The following GPC6 variants were observed in gnomAD, a reference collection of about 807,000 sequenced individuals.
The protein encoded by GPC6 is glypican-6.
GPC6 carries 14 observed loss-of-function variants against 55.2 expected under a neutral mutation model. The observed-to-expected ratio is 0.25, with a 90% CI of 0.17 to 0.40. The LOEUF (loss-of-function observed/expected upper bound fraction) is 0.40, where lower values mean the gene tolerates loss of function less well. Ranked by LOEUF, GPC6 falls within the 10% of genes least tolerant of loss-of-function variation. The pLI, the probability that GPC6 is intolerant of heterozygous loss-of-function variation, is 1.00. For missense variants in GPC6, 641 were observed against 708.5 expected (o/e 0.90, Z 1.08); for synonymous variants, 278 against 259.6 (o/e 1.07, Z -0.68).
chr13:94,213,946 T>C (rs1349966661), intron 4 of GPC6, among the ~76,000 whole-genome samples: 1 of 152,238 alleles, frequency 6.6e-6, no homozygotes, highest in East Asian at 1.9e-4. Flanking sequence ...TTAAGAGTTA[T>C]ATGGCAATAT....
chr13:93,286,994 T>A (rs1171959738), intron 1 of GPC6, among the ~76,000 whole-genome samples: 2 of 152,122 alleles, frequency 1.3e-5, no homozygotes, highest in African/African-American at 2.4e-5. Flanking sequence ...ACACAAACGT[T>A]GTTTCATGCA....
chr13:93,616,868 A>G (rs1219728031), intron 2 of GPC6, among the ~76,000 whole-genome samples: 1 of 152,128 alleles, frequency 6.6e-6, no homozygotes, highest in Non-Finnish European at 1.5e-5. Context: ...AACTTTACTA[A>G]AATGCCTATG....
At chr13:93,636,182 T>C (rs1017200974) in intron 2 of GPC6, among the ~76,000 whole-genome samples, 6 of 152,174 alleles carry the variant, frequency 3.9e-5, no homozygotes, top group Non-Finnish European at 8.8e-5. Flanking sequence ...TTATAAGTTA[T>C]AACAACAAGC....
intron 4 of GPC6, among the ~76,000 whole-genome samples, chr13:94,066,928 G>A (rs1442092628): frequency 6.6e-6 from 1 of 152,184 alleles, no homozygotes; most frequent in Non-Finnish European, 1.5e-5. Context: ...AACCTTGCAT[G>A]GAATACAACT....
intron 2 of GPC6, among the ~76,000 whole-genome samples, chr13:93,714,030 G>T (rs1244196422): frequency 6.6e-6 from 1 of 151,842 alleles, no homozygotes; most frequent in South Asian, 2.1e-4. Context: ...CCTTGAGAAA[G>T]AATTTATGAC....
intron 2 of GPC6, among the ~76,000 whole-genome samples, chr13:93,589,849 G>C (rs1370851666): frequency 6.6e-6 from 1 of 152,188 alleles, no homozygotes; most frequent in Non-Finnish European, 1.5e-5. Context: ...ATGACATCAT[G>C]TGGAGTAAGT....
intron 2 of GPC6, among the ~76,000 whole-genome samples, chr13:93,754,974 A>G (rs1413684547): frequency 2.6e-5 from 4 of 152,202 alleles, no homozygotes; most frequent in Non-Finnish European, 5.9e-5. Context: ...CTGGATAAAT[A>G]TTATTTTACA....
chr13:93,681,720 G>A (rs1045009624), intron 2 of GPC6, among the ~76,000 whole-genome samples: 12 of 152,068 alleles, frequency 7.9e-5, no homozygotes, highest in African/African-American at 2.2e-4. Flanking sequence ...TTTATAATGC[G>A]AGAAATGTTC....
chr13:94,167,838 G>A (rs1888418154), intron 4 of GPC6, among the ~76,000 whole-genome samples: 1 of 152,174 alleles, frequency 6.6e-6, no homozygotes, highest in East Asian at 1.9e-4. Flanking sequence ...TATATCTTAA[G>A]TCTTATAAAC....
At chr13:94,021,176 C>CAGA (rs1377109581) in intron 3 of GPC6, among the ~76,000 whole-genome samples, 2 of 151,544 alleles carry the variant, frequency 1.3e-5, no homozygotes, top group Non-Finnish European at 2.9e-5. Context: ...CTTTTGAGAG[C>CAGA]AGAAGATAGA....
At chr13:93,297,116 G>T (rs773540731) in intron 1 of GPC6, among the ~76,000 whole-genome samples, 13 of 152,160 alleles carry the variant, frequency 8.5e-5, no homozygotes, top group Non-Finnish European at 1.6e-4. Flanking sequence ...TCCCTTGTAT[G>T]TGCATCCTTA....
intron 1 of GPC6, among the ~76,000 whole-genome samples, chr13:93,504,217 C>A (rs1456312133): frequency 2.0e-5 from 3 of 152,014 alleles, no homozygotes; most frequent in Non-Finnish European, 4.4e-5. Context: ...GTGTTAAAAA[C>A]AAAGACAGAT....
intron 6 of GPC6, among the ~76,000 whole-genome samples, chr13:94,348,962 A>G (rs1340103160): frequency 6.6e-6 from 1 of 152,158 alleles, no homozygotes; most frequent in Non-Finnish European, 1.5e-5. Context: ...CTCCCTTCTC[A>G]GAGAGTTGCA....
chr13:93,989,333 A>G (rs550232238), intron 3 of GPC6, among the ~76,000 whole-genome samples: 1 of 152,308 alleles, frequency 6.6e-6, no homozygotes, highest in South Asian at 2.1e-4. Context: ...GCATTGCCAG[A>G]GCCTATACTG....
rs937099814 is a variant in GPC6, at chr13:94,200,173, C to A, written c.878-86176C>A. 1.0e-3 allele frequency among the ~76,000 whole-genome samples: 151 copies of A among 147,356 alleles called. 12 individuals are homozygous for A. Among genetic ancestry groups the A allele is most frequent in the African/African-American group, 6.4e-4 (26 of 40,732 alleles). ...CTCTGTCTAAAAAAAAAAAAAAAAA[C>A]CACATGTTTCCAGGATCCTTACTTT... On this transcript the variant is annotated intron_variant, in intron 4 of 8. Coordinates refer to ENST00000377047, the MANE Select transcript of GPC6 (RefSeq NM_005708.5).
intron 4 of GPC6, among the ~76,000 whole-genome samples, chr13:94,043,719 A>G (rs1883624870): frequency 6.6e-6 from 1 of 151,842 alleles, no homozygotes; most frequent in Admixed American, 6.6e-5. Context: ...ATATTAACAT[A>G]TTTGTTAAAG....
chr13:93,432,115 A>C (rs1295141557), intron 1 of GPC6, among the ~76,000 whole-genome samples: 6 of 152,148 alleles, frequency 3.9e-5, no homozygotes, highest in Admixed American at 3.9e-4. Flanking sequence ...ATGGGACAGA[A>C]GTTGTTTTTC....
intron 4 of GPC6, among the ~76,000 whole-genome samples, chr13:94,101,326 A>AAGG (rs112270724): frequency 0.012 from 1,890 of 152,346 alleles, 41 homozygotes; most frequent in South Asian, 0.065. Context: ...CATGTTATCA[A>AAGG]CAGCAGCCTT....
At chr13:94,046,798 G>T (rs1883750517) in intron 4 of GPC6, among the ~76,000 whole-genome samples, 1 of 151,958 alleles carries the variant, frequency 6.6e-6, no homozygotes, top group Non-Finnish European at 1.5e-5. Context: ...CATGCCCTTG[G>T]GCAAGTTGCT....
Sources: gnomAD v4.1 joint callset for allele counts (sites outside exome capture counted in the v4.1 genomes callset) on GRCh38, gnomAD v4.1.1 for gene constraint, MANE v1.5 for transcripts, NCBI Gene and HGNC (gene_info 2026-07-23, HGNC 2026-07-21) for gene names.